Variants in QTMAN observed in about 807,000 individuals in gnomAD.
The protein encoded by QTMAN is tRNA-queuosine alpha-mannosyltransferase.
the QTMAN span, among the ~76,000 whole-genome samples, chr2:143,974,065 T>G: frequency 6.6e-6 from 1 of 152,224 alleles, no homozygotes; most frequent in African/African-American, 2.4e-5. Context: ...ATACATATGA[T>G]TTTAGAATAA....
the QTMAN span, among the ~76,000 whole-genome samples, chr2:143,956,071 G>A: frequency 6.6e-6 from 1 of 152,144 alleles, no homozygotes; most frequent in Non-Finnish European, 1.5e-5. Context: ...ATTTCTAAGT[G>A]TCTCCATTTA....
the QTMAN span, among the ~76,000 whole-genome samples, chr2:144,022,682 G>A: frequency 0.043 from 6,450 of 149,996 alleles, 231 homozygotes; most frequent in East Asian, 0.18. Context: ...TCCTGCCTCA[G>A]CCTCCCAAGT....
the QTMAN span, among the ~76,000 whole-genome samples, chr2:144,301,047 T>G: frequency 6.6e-6 from 1 of 152,056 alleles, no homozygotes. Context: ...AGAAAATGGG[T>G]TTTTTTCCTA....
chr2:144,312,093 T>C, the QTMAN span, among the ~76,000 whole-genome samples: 2 of 152,092 alleles, frequency 1.3e-5, no homozygotes, highest in African/African-American at 4.8e-5. Flanking sequence ...CACTCTCAAG[T>C]GACTTCACAG....
chr2:144,071,571 C>G, the QTMAN span, among the ~76,000 whole-genome samples: 8 of 152,226 alleles, frequency 5.3e-5, no homozygotes, highest in East Asian at 1.5e-3. Flanking sequence ...GAATGTCTCA[C>G]GTTCCACGAA....
chr2:144,320,477 T>A, the QTMAN span, among the ~76,000 whole-genome samples: 3 of 152,170 alleles, frequency 2.0e-5, no homozygotes, highest in Non-Finnish European at 4.4e-5. Context: ...ACAGCTCTAG[T>A]CACTTTGGTC....
the QTMAN span, among the ~76,000 whole-genome samples, chr2:144,235,357 C>G: frequency 1.3e-5 from 2 of 152,084 alleles, no homozygotes; most frequent in African/African-American, 4.8e-5. Flanking sequence ...ATGTCTATAA[C>G]TTGGCTGACA....
the QTMAN span, among the ~76,000 whole-genome samples, chr2:144,101,546 C>T: frequency 6.6e-6 from 1 of 152,160 alleles, no homozygotes; most frequent in South Asian, 2.1e-4. Flanking sequence ...TATACTCACA[C>T]TGGCACATAA....
the QTMAN span, chr2:143,957,089 C>T: frequency 1.2e-5 from 11 of 920,366 alleles, no homozygotes; most frequent in Non-Finnish European, 1.7e-5. Flanking sequence ...AATTGAATTC[C>T]TTTTGATCAC....
chr2:144,035,662 C>T, the QTMAN span, among the ~76,000 whole-genome samples: 4 of 152,126 alleles, frequency 2.6e-5, no homozygotes, highest in African/African-American at 7.2e-5. Flanking sequence ...CTTTGAGGCA[C>T]ACATCTGTCA....
the QTMAN span, among the ~76,000 whole-genome samples, chr2:143,990,127 C>T: frequency 7.3e-5 from 11 of 151,312 alleles, no homozygotes; most frequent in East Asian, 3.9e-4. Context: ...TGCTAGATTA[C>T]GGTAATTCCT....
the QTMAN span, among the ~76,000 whole-genome samples, chr2:144,030,988 G>A: frequency 0.058 from 8,764 of 152,224 alleles, 433 homozygotes; most frequent in African/African-American, 0.13. Context: ...AGCTTGCCAA[G>A]ACTCATAAAA....
the QTMAN span, among the ~76,000 whole-genome samples, chr2:144,138,203 A>T: frequency 6.6e-6 from 1 of 152,090 alleles, no homozygotes; most frequent in Admixed American, 6.6e-5. Context: ...ATGGTGTGTC[A>T]AATGCTGCTG....
chr2:144,267,600 A>C, the QTMAN span, among the ~76,000 whole-genome samples: 2 of 152,238 alleles, frequency 1.3e-5, no homozygotes, highest in African/African-American at 4.8e-5. Context: ...ATTCACAGAT[A>C]AGAGAAAAGC....
the QTMAN span, among the ~76,000 whole-genome samples, chr2:143,984,289 C>T: frequency 6.6e-6 from 1 of 152,114 alleles, no homozygotes; most frequent in African/African-American, 2.4e-5. Context: ...ATCAAAAACC[C>T]TAAATCACAC....
the QTMAN span, among the ~76,000 whole-genome samples, chr2:144,046,885 A>T: frequency 6.6e-6 from 1 of 152,346 alleles, no homozygotes; most frequent in Admixed American, 6.5e-5. Context: ...AGAAAACCAC[A>T]TGTGGAGTAT....
the QTMAN span, among the ~76,000 whole-genome samples, chr2:143,982,919 T>C: frequency 2.0e-5 from 3 of 150,138 alleles, no homozygotes; most frequent in Non-Finnish European, 3.0e-5. Flanking sequence ...TTACTTTAGA[T>C]AGTGTATTTA....
chr2:144,013,279 G>T, the QTMAN span, among the ~76,000 whole-genome samples: 4 of 152,212 alleles, frequency 2.6e-5, no homozygotes, highest in South Asian at 8.3e-4. Flanking sequence ...GCTTACTGGA[G>T]TAAGAAACCT....
the QTMAN span, chr2:144,007,120 AC>A: frequency 3.1e-6 from 3 of 963,326 alleles, no homozygotes; most frequent in Admixed American, 2.5e-5. Context: ...ATGTCAATCA[AC>A]AGAATATATT....
Sources: gnomAD v4.1 joint callset for allele counts (sites outside exome capture counted in the v4.1 genomes callset) on GRCh38, gnomAD v4.1.1 for gene constraint, MANE v1.5 for transcripts, NCBI Gene and HGNC (gene_info 2026-07-23, HGNC 2026-07-21) for gene names.